The following TRDN variants were observed in gnomAD, a reference collection of about 807,000 sequenced individuals.
TRDN encodes the protein triadin.
A neutral mutation model predicts 149.7 loss-of-function variants in TRDN; 161 were observed. That is an observed-to-expected ratio of 1.08 (90% CI 0.95 to 1.23). TRDN has a LOEUF of 1.23. TRDN is among the 50% of genes most tolerant of loss of function. The pLI, the probability that TRDN is intolerant of heterozygous loss-of-function variation, is 0.00. For synonymous variants in TRDN, 294 were observed against 250.5 expected, an observed-to-expected ratio of 1.17 and a Z score of -1.64; for missense variants, 896 against 823.5, an observed-to-expected ratio of 1.09 and a Z score of -1.08.
At chr6:123,273,121 T>C (rs1256365959) in intron 28 of TRDN, 110 bp from the exon 29 acceptor site, 1 of 764,778 alleles carries the variant, frequency 1.3e-6, no homozygotes, top group African/African-American at 1.9e-5. Flanking sequence ...AATCTTCATA[T>C]CATCCTTGTT....
chr6:123,435,695 T>C (rs566785068), intron 12 of TRDN, among the ~76,000 whole-genome samples: 1 of 152,236 alleles, frequency 6.6e-6, no homozygotes. Context: ...ATGACAAGCA[T>C]ACAAACAGAA....
At chr6:123,232,996 G>A (rs1473976030) in intron 38 of TRDN, among the ~76,000 whole-genome samples, 1 of 151,984 alleles carries the variant, frequency 6.6e-6, no homozygotes, top group Non-Finnish European at 1.5e-5. Flanking sequence ...TAAACATGTG[G>A]AATCCTTAGT....
chr6:123,532,202 A>G (rs1313079217), intron 4 of TRDN, among the ~76,000 whole-genome samples: 1 of 152,120 alleles, frequency 6.6e-6, no homozygotes, highest in African/African-American at 2.4e-5. Context: ...AACTTAGAAT[A>G]AAATATAAGT....
intron 2 of TRDN, among the ~76,000 whole-genome samples, chr6:123,552,522 T>C (rs1414139545): frequency 6.6e-6 from 1 of 152,104 alleles, no homozygotes; most frequent in Non-Finnish European, 1.5e-5. Context: ...CAAGCTTGGG[T>C]TCTGAGTTCA....
intron 9 of TRDN, among the ~76,000 whole-genome samples, chr6:123,491,597 G>T (rs1228365319): frequency 6.6e-6 from 1 of 151,778 alleles, no homozygotes; most frequent in South Asian, 2.1e-4. Context: ...CTCATTCCTG[G>T]TATACTGAGA....
intron 3 of TRDN, 37 bp from the exon 4 acceptor site, chr6:123,547,409 T>C (rs1182116841): frequency 1.6e-6 from 2 of 1,245,426 alleles, no homozygotes; most frequent in South Asian, 1.7e-5. Context: ...AGTTAGAAAA[T>C]ATTTTAGCAT....
chr6:123,236,965 T>C (rs1775809577), intron 38 of TRDN, among the ~76,000 whole-genome samples: 1 of 151,692 alleles, frequency 6.6e-6, no homozygotes, highest in Non-Finnish European at 1.5e-5. Flanking sequence ...TGATTGTAAT[T>C]GCATTAAATT....
In TRDN at chr6:123,218,626, G is replaced by A. The variant is rs2114492200; in HGVS notation, c.2165C>T (p.Pro722Leu). 1 of 1,611,698 alleles carries A rather than the reference G, an allele frequency of 6.2e-7. No individual in the cohort carries two copies. Among genetic ancestry groups the A allele is most frequent in the East Asian group, 2.2e-5 (1 of 44,810 alleles). The change falls in exon 41 of 41, where the codon CCA (proline) becomes CTA (leucine). Residue 722 changes from proline to leucine, a missense_variant. Physicochemically the swap from Pro to Leu is moderately conservative, Grantham distance 98 (BLOSUM62 -3). Transcript: ENST00000334268. ...TTACTGTCCTTGTTGCTTCTGTCCT[G>A]GAGAATTTGCTTGACCAGAGCTCTC... ...PGESSGQANSPGQKQQGQ is the reference protein window; with the variant it reads ...PGESSGQANSLGQKQQGQ
chr6:123,415,405 G>A (rs1217087302), intron 12 of TRDN, among the ~76,000 whole-genome samples: 2 of 152,130 alleles, frequency 1.3e-5, no homozygotes, highest in African/African-American at 4.8e-5. Flanking sequence ...TGTAACGTTA[G>A]AACCATTAGA....
chr6:123,476,821 A>G (rs984694503), intron 9 of TRDN, among the ~76,000 whole-genome samples: 35 of 151,870 alleles, frequency 2.3e-4, no homozygotes, highest in African/African-American at 7.5e-4. Context: ...AGGATTCCCT[A>G]TTTAATAAAT....
At chr6:123,314,956 C>T (rs1206169900) in intron 24 of TRDN, among the ~76,000 whole-genome samples, 7 of 151,774 alleles carry the variant, frequency 4.6e-5, no homozygotes, top group South Asian at 4.1e-4. Flanking sequence ...CATCTTTGCC[C>T]GTGTAACAAA....
intron 37 of TRDN, among the ~76,000 whole-genome samples, chr6:123,253,545 AT>A (rs1554217651): frequency 2.0e-5 from 3 of 152,092 alleles, no homozygotes; most frequent in Non-Finnish European, 4.4e-5. Context: ...ACATGTTATT[AT>A]TTTTTTCTTT....
At chr6:123,438,324 A>ATTTTTTTTTTTTTTTTTTTTTTTT (rs146284588) in intron 11 of TRDN, among the ~76,000 whole-genome samples, 1 of 151,200 alleles carries the variant, frequency 6.6e-6, no homozygotes, top group African/African-American at 2.4e-5. Flanking sequence ...AGGAAACAGA[A>ATTTTTTTTTTTTTTTTTTTTTTTT]CTTTTTTTTT....
chr6:123,404,758 A>T (rs1773126908), intron 12 of TRDN, among the ~76,000 whole-genome samples: 1 of 152,158 alleles, frequency 6.6e-6, no homozygotes, highest in Non-Finnish European at 1.5e-5. Flanking sequence ...ACTGTTCTTT[A>T]GTTCACGTTT....
chr6:123,451,496 C>T (rs578043806), intron 10 of TRDN, among the ~76,000 whole-genome samples: 8 of 152,076 alleles, frequency 5.3e-5, no homozygotes, highest in Non-Finnish European at 1.0e-4. Context: ...AACTAAAAAC[C>T]TAGAAGAGAT....
At chr6:123,513,573 A>T (rs547048874) in intron 6 of TRDN, among the ~76,000 whole-genome samples, 162 of 152,276 alleles carry the variant, frequency 1.1e-3, no homozygotes, top group African/African-American at 3.7e-3. Context: ...ATCAGACAAG[A>T]AATGGTTACC....
chr6:123,328,958 G>A (rs1779567929), intron 23 of TRDN, among the ~76,000 whole-genome samples: 2 of 152,058 alleles, frequency 1.3e-5, no homozygotes, highest in Admixed American at 1.3e-4. Flanking sequence ...CCAAGTAAAT[G>A]TTTCCCTCTT....
At chr6:123,420,390 T>A (rs78878973) in intron 12 of TRDN, among the ~76,000 whole-genome samples, 15 of 68,228 alleles carry the variant, frequency 2.2e-4, no homozygotes, top group South Asian at 5.8e-4. Context: ...AAGGATTTTT[T>A]TAAAAAAAAA....
chr6:123,401,053 C>A (rs147666050), intron 12 of TRDN, among the ~76,000 whole-genome samples: 1 of 152,094 alleles, frequency 6.6e-6, no homozygotes, highest in Non-Finnish European at 1.5e-5. Context: ...GATTGGGAGA[C>A]AAGGTGTTTG....
Sources: allele counts gnomAD v4.1 joint callset (sites outside exome capture counted in the v4.1 genomes callset), GRCh38; gene constraint gnomAD v4.1.1; transcripts MANE v1.5; gene names NCBI Gene and HGNC (gene_info 2026-07-23, HGNC 2026-07-21).